PHC3: variants seen among roughly 807,000 people sequenced by gnomAD.
The protein encoded by PHC3 is polyhomeotic-like protein 3.
Under a neutral mutation model 107.4 loss-of-function variants are expected in PHC3, and 13 were observed. That is an observed-to-expected ratio of 0.12 (90% CI 0.08 to 0.19). The LOEUF is 0.19. Ranked by LOEUF, PHC3 falls within the 10% of genes least tolerant of loss-of-function variation. The pLI, the probability that PHC3 is intolerant of heterozygous loss-of-function variation, is 1.00. For synonymous variants in PHC3, 456 were observed against 427.4 expected, an observed-to-expected ratio of 1.07 and a Z score of -0.83; for missense variants, 992 against 1,210.9, an observed-to-expected ratio of 0.82 and a Z score of 2.68.
At chr3:170,111,263 AAGGAAGGAAGGAAGGAAGG>A (rs1560033064) in intron 11 of PHC3, among the ~76,000 whole-genome samples, 4 of 25,426 alleles carry the variant, frequency 1.6e-4, no homozygotes, top group Admixed American at 1.5e-3. Context: ...AAACAAGAAG[AAGGAAGGAAGGAAGGAAGG>A]AAGGAAGGAA....
intron 4 of PHC3, among the ~76,000 whole-genome samples, chr3:170,165,375 T>G (rs1160571662): frequency 6.6e-6 from 1 of 151,966 alleles, no homozygotes; most frequent in Non-Finnish European, 1.5e-5. Flanking sequence ...AAATCACTCA[T>G]CACGTCCAGA....
intron 11 of PHC3, among the ~76,000 whole-genome samples, chr3:170,108,811 G>A (rs537752891): frequency 6.6e-6 from 1 of 152,212 alleles, no homozygotes; most frequent in East Asian, 1.9e-4. Flanking sequence ...GGTTATTCCA[G>A]GAACAGGATA....
At chr3:170,134,266 T>C (rs1364564684) in intron 7 of PHC3, among the ~76,000 whole-genome samples, 1 of 152,082 alleles carries the variant, frequency 6.6e-6, no homozygotes, top group Admixed American at 6.6e-5. Flanking sequence ...TCCGGCTCAC[T>C]GTAACCTCCA....
rs1724785520 is a variant in PHC3 at position 170,145,447 on chromosome 3, AGATGAC to A, written c.642_647del (p.Ser216_Ser217del). ...CCTGAGTAGCTGCAGACTGACAGGAAGATGACGATGACGACGAGACAACAGGAATGT... is the reference window on the plus strand; with the variant it reads ...CCTGAGTAGCTGCAGACTGACAGGAAGATGACGACGAGACAACAGGAATGT... On this transcript the variant is annotated inframe_deletion, in exon 6 of 15. Coordinates refer to ENST00000495893, the MANE Select transcript of PHC3 (RefSeq NM_024947.4). The A allele has an allele frequency of 6.2e-7, 1 of 1,613,752 alleles. No homozygotes were observed. Among genetic ancestry groups the A allele is most frequent in the Non-Finnish European group, 8.5e-7 (1 of 1,179,692 alleles).
intron 7 of PHC3, among the ~76,000 whole-genome samples, chr3:170,132,413 G>C (rs562302574): frequency 1.4e-4 from 21 of 152,300 alleles, no homozygotes; most frequent in African/African-American, 4.3e-4. Flanking sequence ...CTGAATGTTT[G>C]TGGCACAAAA....
At chr3:170,129,616 TAAAGGAA>T (rs1258723171) in intron 7 of PHC3, 64 bp from the exon 8 acceptor site, 4 of 1,428,020 alleles carry the variant, frequency 2.8e-6, no homozygotes, top group Non-Finnish European at 1.9e-6. Context: ...TAAATCACTC[TAAAGGAA>T]AAAGTGTTCA....
chr3:170,129,037 C>T lies in PHC3; in HGVS notation c.1435G>A (p.Gly479Ser). The change falls in exon 8 of 15, where the codon GGC becomes AGC. Residue 479 changes from glycine (G) to serine (S), a missense_variant. By Grantham distance (56) the Gly-to-Ser change is moderately conservative. Coordinates refer to ENST00000495893, the MANE Select transcript of PHC3 (RefSeq NM_024947.4). ...ACCAAGGCAGACTGCTGAACTGGGCCAATGTGTACAACAGGGGAAGCTGGA... is the reference window on the plus strand; with the variant it reads ...ACCAAGGCAGACTGCTGAACTGGGCTAATGTGTACAACAGGGGAAGCTGGA... ...PLPASPVVHIGPVQQSALVSP... is the reference protein window; with the variant it reads ...PLPASPVVHISPVQQSALVSP... The T allele has an allele frequency of 2.5e-6, 4 of 1,612,696 alleles. No homozygotes were observed. Among genetic ancestry groups the T allele is most frequent in the Non-Finnish European group, 1.7e-6 (2 of 1,179,254 alleles).
intron 4 of PHC3, among the ~76,000 whole-genome samples, chr3:170,161,224 C>T (rs1727838764): frequency 6.6e-6 from 1 of 152,248 alleles, no homozygotes; most frequent in Middle Eastern, 3.4e-3. Flanking sequence ...CAGTCTTATT[C>T]AGAACTTGAG....
At chr3:170,148,914 G>T in intron 5 of PHC3, 172 bp downstream of exon 5, 1 of 561,182 alleles carries the variant, frequency 1.8e-6, no homozygotes, top group Non-Finnish European at 3.1e-6. Context: ...TTAATTAAAA[G>T]TAGAATCTTT....
chr3:170,181,002 G>C (rs1731301430), intron 1 of PHC3, among the ~76,000 whole-genome samples: 1 of 152,222 alleles, frequency 6.6e-6, no homozygotes, highest in Non-Finnish European at 1.5e-5. Flanking sequence ...GCCTACCCAG[G>C]AAACAGTAAG....
intron 1 of PHC3, among the ~76,000 whole-genome samples, chr3:170,180,564 G>GT (rs199582784): frequency 0.3 from 41,242 of 138,728 alleles, 5,981 homozygotes; most frequent in East Asian, 0.48. Context: ...TTATGCTTCT[G>GT]TTTTTTTTTT....
At chr3:170,134,077 T>C (rs1722670438) in intron 7 of PHC3, among the ~76,000 whole-genome samples, 1 of 151,974 alleles carries the variant, frequency 6.6e-6, no homozygotes, top group Admixed American at 6.6e-5. Context: ...AGGCTGAGAA[T>C]ACTCTGTACA....
chr3:170,114,282 TACAG>T (rs2108353696), intron 10 of PHC3, among the ~76,000 whole-genome samples: 1 of 152,300 alleles, frequency 6.6e-6, no homozygotes, highest in African/African-American at 2.4e-5. Context: ...GTGCTGGGAT[TACAG>T]GCGTGAGCCA....
intron 7 of PHC3, among the ~76,000 whole-genome samples, chr3:170,130,587 C>T (rs1253926693): frequency 6.6e-6 from 1 of 151,974 alleles, no homozygotes; most frequent in Admixed American, 6.6e-5. Flanking sequence ...GAAGCCCATG[C>T]TACCTAAATA....
chr3:170,136,689 T>G, intron 6 of PHC3, 24 bp from the exon 7 acceptor site: 1 of 1,608,066 alleles, frequency 6.2e-7, no homozygotes, highest in Non-Finnish European at 8.5e-7. Context: ...AACAGAAAAT[T>G]AGGATGAAAA....
intron 9 of PHC3, among the ~76,000 whole-genome samples, chr3:170,119,607 AGAG>A (rs1305408859): frequency 6.6e-6 from 1 of 152,198 alleles, no homozygotes; most frequent in African/African-American, 2.4e-5. Flanking sequence ...TCTAGATTTA[AGAG>A]AAGTATGAGA....
At chr3:170,177,532 A>G (rs777262283) in intron 2 of PHC3, among the ~76,000 whole-genome samples, 54 of 151,904 alleles carry the variant, frequency 3.6e-4, no homozygotes, top group Admixed American at 9.8e-4. Flanking sequence ...ATGCCTGGCT[A>G]ATTTTTGTAT....
At chr3:170,151,401 A>G (rs1725944417) in intron 4 of PHC3, among the ~76,000 whole-genome samples, 1 of 152,222 alleles carries the variant, frequency 6.6e-6, no homozygotes, top group Non-Finnish European at 1.5e-5. Context: ...AAACGGTATC[A>G]CTGAAATGCT....
intron 14 of PHC3, among the ~76,000 whole-genome samples, chr3:170,099,959 T>A (rs183694615): frequency 5.9e-5 from 9 of 152,316 alleles, no homozygotes; most frequent in African/African-American, 2.2e-4. Context: ...TTAAAGAAGA[T>A]AACCCGCAGT....
Sources: gnomAD v4.1 joint callset for allele counts (sites outside exome capture counted in the v4.1 genomes callset) on GRCh38, gnomAD v4.1.1 for gene constraint, MANE v1.5 for transcripts, NCBI Gene and HGNC (gene_info 2026-07-23, HGNC 2026-07-21) for gene names.